Variants in PAH observed in about 807,000 individuals in gnomAD.
The protein encoded by PAH is phenylalanine hydroxylase.
In PAH, 64 loss-of-function variants were observed where a neutral mutation model predicts 62.0. The ratio of observed to expected loss-of-function variants is 1.03; its 90% CI spans 0.84 to 1.27. The LOEUF (loss-of-function observed/expected upper bound fraction) is 1.27. PAH is among the 50% of genes most tolerant of loss of function. The pLI is 0.00. For synonymous variants in PAH, 195 were observed against 196.2 expected (o/e 0.99, Z 0.05); for missense variants, 579 against 542.8 (o/e 1.07, Z -0.66).
In PAH at chr12:102,837,371, G is replaced by A. The variant is rs1369129264; in HGVS notation, c.*1804C>T. The A allele has an allele frequency of 1.3e-5, 2 of 152,172 alleles. No individual in the cohort carries two copies. Among genetic ancestry groups the A allele is most frequent in the East Asian group, 3.9e-4 (2 of 5,190 alleles). The allele number at this position is 152,172 out of a possible 1,614,324, so 9.4% of individuals were successfully genotyped here. A position where few individuals can be genotyped will look rare whatever the true frequency, so the allele number is the denominator to read the frequency against. ...GTCAAAAATATTATCTAATATTTAA[G>A]TTCCAGAGTCAATAATTAACTTTTC... On this transcript the variant is annotated 3_prime_UTR_variant, in exon 13 of 13. Transcript: ENST00000553106.
chr12:102,944,223 T>C (rs1879403806), intron 1 of PAH, among the ~76,000 whole-genome samples: 1 of 152,206 alleles, frequency 6.6e-6, no homozygotes. Flanking sequence ...TTTTGATTAT[T>C]AAATGTCTTC....
At chr12:102,851,657 A>G in intron 8 of PAH, 30 bp downstream of exon 8, 3 of 1,598,110 alleles carry the variant, frequency 1.9e-6, no homozygotes, top group Non-Finnish European at 2.6e-6. Context: ...ACAGACCTAT[A>G]ACTAGAAGGC....
intron 8 of PAH, among the ~76,000 whole-genome samples, chr12:102,847,978 A>G (rs1243906151): frequency 6.6e-6 from 1 of 152,218 alleles, no homozygotes; most frequent in African/African-American, 2.4e-5. Context: ...GGCAGGTGAT[A>G]TCAAAGAGGG....
chr12:102,859,770 A>G (rs1875632476), intron 5 of PAH, among the ~76,000 whole-genome samples: 1 of 152,214 alleles, frequency 6.6e-6, no homozygotes. Context: ...ACAAAATTCA[A>G]CAGCCTTTCA....
Position 102,842,265 on chromosome 12 carries a change from G to C in PAH, c.1199+1381C>G, listed in dbSNP as rs535588646. ...AAACCTTGGGCCTTGGAGGGAGAGG[G>C]GGATGATGCTGGAAGGAGGCTAGGC... On this transcript the variant is annotated intron_variant, in intron 11 of 12. Coordinates refer to ENST00000553106, the MANE Select transcript of PAH (RefSeq NM_000277.3). Among the ~76,000 whole-genome samples the C allele has an allele frequency of 2.3e-4, 35 of 152,176 alleles. 1 individual carries two copies. In the South Asian group the frequency reaches 7.1e-3, roughly 31 times the overall value.
intron 6 of PAH, 77 bp from the exon 7 acceptor site, chr12:102,853,027 G>T (rs570890017): frequency 1.5e-4 from 220 of 1,512,398 alleles, no homozygotes; most frequent in Admixed American, 2.9e-4. Context: ...TTAGGTAGTG[G>T]AGTAGTACAC....
At chr12:102,880,626 G>A (rs1032151274) in intron 3 of PAH, among the ~76,000 whole-genome samples, 1 of 152,148 alleles carries the variant, frequency 6.6e-6, no homozygotes, top group African/African-American at 2.4e-5. Flanking sequence ...GGGACATTTA[G>A]AATGACCAAA....
intron 1 of PAH, among the ~76,000 whole-genome samples, chr12:102,941,630 C>A (rs960387267): frequency 6.6e-6 from 1 of 152,042 alleles, no homozygotes; most frequent in African/African-American, 2.4e-5. Context: ...ATATATGCAC[C>A]CCACACTGGA....
chr12:102,895,869 A>AAAAAAATATATATATATATATATAT (rs953209518), intron 2 of PAH, among the ~76,000 whole-genome samples: 1 of 118,744 alleles, frequency 8.4e-6, no homozygotes, highest in African/African-American at 3.6e-5. Flanking sequence ...AAAAAAAAAA[A>AAAAAAATATATATATATATATATAT]ATATATATAT....
chr12:102,905,760 C>T (rs1260226396), intron 2 of PAH, among the ~76,000 whole-genome samples: 2 of 151,846 alleles, frequency 1.3e-5, no homozygotes, highest in Admixed American at 6.6e-5. Context: ...AGAACCCCTT[C>T]CCGGGCAATA....
intron 1 of PAH, among the ~76,000 whole-genome samples, chr12:102,930,449 C>T (rs1878819211): frequency 6.6e-6 from 1 of 152,124 alleles, no homozygotes; most frequent in Admixed American, 6.6e-5. Flanking sequence ...CATTAACATC[C>T]TCTCCATCAT....
chr12:102,878,422 A>G (rs967426545), intron 3 of PAH, among the ~76,000 whole-genome samples: 13 of 152,132 alleles, frequency 8.5e-5, no homozygotes, highest in African/African-American at 3.1e-4. Context: ...GGTGGACTAC[A>G]ACACCTGGGT....
At chr12:102,869,367 A>C (rs1722399) in intron 4 of PAH, among the ~76,000 whole-genome samples, 92,757 of 152,042 alleles carry the variant, frequency 0.61, 29,053 homozygotes, top group Admixed American at 0.68. Flanking sequence ...AAAATGATTA[A>C]AGAAATACAC....
At chr12:102,955,508 T>C (rs1335927113), upstream of PAH, among the ~76,000 whole-genome samples, 1 of 152,106 alleles carries the variant, frequency 6.6e-6, no homozygotes, top group Non-Finnish European at 1.5e-5. Flanking sequence ...AGAAAACACA[T>C]CTAGATGCTT....
At chr12:102,881,218 T>G (rs1039144175) in intron 3 of PAH, among the ~76,000 whole-genome samples, 1 of 151,350 alleles carries the variant, frequency 6.6e-6, no homozygotes, top group Non-Finnish European at 1.5e-5. Context: ...TTCGCCATGT[T>G]GGCCAGGCTG....
intron 3 of PAH, among the ~76,000 whole-genome samples, chr12:102,882,807 A>T (rs1201502763): frequency 1.3e-5 from 2 of 151,984 alleles, no homozygotes; most frequent in Non-Finnish European, 2.9e-5. Context: ...CTGGAGCCTT[A>T]GTTTCCTTAT....
At chr12:102,871,855 G>A (rs1876330338) in intron 4 of PAH, among the ~76,000 whole-genome samples, 1 of 150,006 alleles carries the variant, frequency 6.7e-6, no homozygotes, top group Non-Finnish European at 1.5e-5. Context: ...CTGGGAGGCA[G>A]AGGTTGCAGT....
chr12:102,893,302 A>G (rs1232718895), intron 3 of PAH, among the ~76,000 whole-genome samples: 1 of 152,184 alleles, frequency 6.6e-6, no homozygotes, highest in African/African-American at 2.4e-5. Flanking sequence ...CAAGAGGTTG[A>G]GGCAGGAGAA....
intron 1 of PAH, among the ~76,000 whole-genome samples, chr12:102,955,884 G>A (rs1276907999): frequency 6.6e-6 from 1 of 152,190 alleles, no homozygotes; most frequent in South Asian, 2.1e-4. Context: ...AAAGGTTACA[G>A]AATTGACCTC....
Sources: gnomAD v4.1 joint callset for allele counts (sites outside exome capture counted in the v4.1 genomes callset) on GRCh38, gnomAD v4.1.1 for gene constraint, MANE v1.5 for transcripts, NCBI Gene and HGNC (gene_info 2026-07-23, HGNC 2026-07-21) for gene names.